The following PEAR1 variants were observed in gnomAD, a reference collection of about 807,000 sequenced individuals.
The protein encoded by PEAR1 is platelet endothelial aggregation receptor 1.
A neutral mutation model predicts 131.2 loss-of-function variants in PEAR1; 113 were observed. That is an observed-to-expected ratio of 0.86 (90% CI 0.74 to 1.01). PEAR1 has a LOEUF of 1.01. Among genes scored for constraint, PEAR1 ranks in the 50% least tolerant of loss-of-function variants. The pLI is 0.00. For missense variants in PEAR1, 1,408 were observed against 1,391.1 expected, an observed-to-expected ratio of 1.01 and a Z score of -0.19; for synonymous variants, 565 against 523.3, an observed-to-expected ratio of 1.08 and a Z score of -1.09.
In PEAR1 at chr1:156,908,257, C is replaced by T; in HGVS notation, c.1032C>T (p.Arg344=). 6.3e-7 allele frequency: 1 copy of T among 1,595,368 alleles called. No individual in the cohort carries two copies. ...GCGAACACGGCTTCACTGGGGACCG[C>T]TGCACGGATCGCCTCTGCCCCGACG... ...CLCEHGFTGD[R]CTDRLCPDGF... Residue 344 remains arginine, a synonymous_variant, in exon 9 of 23, where the codon CGC becomes CGT. Transcript: ENST00000292357. This position sits in a 1 kb window ranked among gnomAD's most constrained non-coding sequence, Gnocchi z 4.2.
chr1:156,911,669 C>T (rs559161045), intron 15 of PEAR1, among the ~76,000 whole-genome samples: 1 of 151,756 alleles, frequency 6.6e-6, no homozygotes, highest in East Asian at 1.9e-4. Context: ...ATTTTATGAG[C>T]CTTTCCCCCA....
At position 156,909,022 on chromosome 1, in the gene PEAR1, G is replaced by T; in HGVS notation, c.1397G>T (p.Cys466Phe). Residue 466 changes from cysteine to phenylalanine, a missense_variant, in exon 11 of 23, where the codon TGC becomes TTC. Cys to Phe is a radical substitution (Grantham distance 205). Transcript: ENST00000292357. Reference sequence around the variant, plus strand: ...GCCTGCTCACCCATCGACGGCGAGTGCGTCTGCAAGGAAGGTAATAGGGTG... The same window carrying T: ...GCCTGCTCACCCATCGACGGCGAGTTCGTCTGCAAGGAAGGTAATAGGGTG... ...AIACSPIDGE[C>F]VCKEGWQRGN... The T allele has an allele frequency of 6.2e-7, 1 of 1,614,052 alleles. No individual in the cohort carries two copies. The highest frequency in any genetic ancestry group is 8.5e-7 in the Non-Finnish European group (1 of 1,180,006).
intron 1 of PEAR1, among the ~76,000 whole-genome samples, chr1:156,895,057 G>A (rs1649030833): frequency 6.6e-6 from 1 of 152,158 alleles, no homozygotes; most frequent in Non-Finnish European, 1.5e-5. Context: ...CCACTCTTGA[G>A]GCCTCCGAAG....
At chr1:156,896,995 C>T (rs1649230197) in intron 1 of PEAR1, among the ~76,000 whole-genome samples, 1 of 152,354 alleles carries the variant, frequency 6.6e-6, no homozygotes. Context: ...CCCAGCTCTA[C>T]TGTCTGGAGT....
Position 156,912,895 on chromosome 1 carries a change from C to T in PEAR1, c.2335C>T (p.Arg779Trp), listed in dbSNP as rs774507033. The T allele has an allele frequency of 3.0e-5, 48 of 1,614,170 alleles. No homozygotes were observed. The highest frequency in any genetic ancestry group is 3.9e-5 in the Non-Finnish European group (46 of 1,180,014). The change falls in exon 18 of 23, where the codon CGG becomes TGG. Residue 779 changes from arginine (R) to tryptophan (W), a missense_variant. Coordinates refer to ENST00000292357, the MANE Select transcript of PEAR1 (RefSeq NM_001080471.3). ...VALVALFIGYRHWQKGKEHHH... is the reference protein window; with the variant it reads ...VALVALFIGYWHWQKGKEHHH... ...CCTGGTGGCACTGTTCATTGGCTATCGGCACTGGCAAAAAGGCAAGGAGCA... is the reference window on the plus strand; with the variant it reads ...CCTGGTGGCACTGTTCATTGGCTATTGGCACTGGCAAAAAGGCAAGGAGCA...
At position 156,915,810 on chromosome 1, in the gene PEAR1, C is replaced by T. The variant is rs1410901091; in HGVS notation, c.*1012C>T. 1.3e-5 allele frequency: 2 copies of T among 152,266 alleles called. No homozygotes were observed. Among genetic ancestry groups the T allele is most frequent in the Non-Finnish European group, 1.5e-5 (1 of 68,056 alleles). The allele number at this position is 152,266 out of a possible 1,614,324, so 9.4% of individuals were successfully genotyped here. On this transcript the variant is annotated 3_prime_UTR_variant, in exon 23 of 23. Coordinates refer to ENST00000292357, the MANE Select transcript of PEAR1 (RefSeq NM_001080471.3). The stretch of plus-strand genomic sequence containing the variant: ...GCTCAATATTAGCTCTCCCTTGGCA[C>T]AGAGTAGGCACTCAACAAATGCTCC...
rs758785569 is a variant in PEAR1, at chr1:156,906,894, G to T, written c.644+14G>T. The T allele has an allele frequency of 6.2e-7, 1 of 1,611,494 alleles. No individual in the cohort carries two copies. Among genetic ancestry groups the T allele is most frequent in the Non-Finnish European group, 8.5e-7 (1 of 1,178,568 alleles). Reference sequence around the variant, plus strand: ...AACTGGGCCCAGGTATGTAATGGGGGGAACGACACTTTAACAAGATCGCAG... The same window carrying T: ...AACTGGGCCCAGGTATGTAATGGGGTGAACGACACTTTAACAAGATCGCAG... On this transcript the variant is annotated intron_variant, in intron 6 of 22. Transcript: ENST00000292357.
chr1:156,912,487 TC>T lies in PEAR1; in HGVS notation c.2081-3del. On this transcript the variant is annotated splice_polypyrimidine_tract_variant and splice_region_variant and intron_variant, in intron 16 of 22. Transcript: ENST00000292357. The stretch of plus-strand genomic sequence containing the variant: ...ATGCCGGCCTGCCTCCTTGGCTGTC[TC>T]CCCAGGCTGCCCTCTGGGGACATTT... 1 of 1,610,892 alleles carries T rather than the reference TC, an allele frequency of 6.2e-7. No individual in the cohort carries two copies.
At position 156,905,357 on chromosome 1, in the gene PEAR1, G is replaced by A. The variant is rs187756653; in HGVS notation, c.240G>A (p.Val80=). ...VVYRTVYRQV[V]KTDHRQRLQC... ...ACCGGACCGTGTACCGTCAGGTGGT[G>A]AAGACGGACCACCGCCAGCGCCTGC... Residue 80 remains valine (V), a synonymous_variant, in exon 4 of 23, where the codon GTG becomes GTA. Coordinates refer to ENST00000292357, the MANE Select transcript of PEAR1 (RefSeq NM_001080471.3). 36 of 1,612,190 alleles carry A rather than the reference G, an allele frequency of 2.2e-5. No individual in the cohort carries two copies. Among genetic ancestry groups the A allele is most frequent in the Non-Finnish European group, 3.0e-5 (35 of 1,179,444 alleles).
At chr1:156,898,716 C>G (rs1279095437) in intron 1 of PEAR1, among the ~76,000 whole-genome samples, 1 of 152,154 alleles carries the variant, frequency 6.6e-6, no homozygotes, top group African/African-American at 2.4e-5. Context: ...AAGAGAGATA[C>G]AGGGCAAGAC....
chr1:156,913,908 C>A lies in PEAR1; in HGVS notation c.2770C>A (p.Pro924Thr), dbSNP rs1443220058. The A allele has an allele frequency of 6.2e-7, 1 of 1,614,068 alleles. No individual in the cohort carries two copies. The highest frequency in any genetic ancestry group is 1.1e-5 in the South Asian group (1 of 91,078). The change falls in exon 22 of 23, where the codon CCA becomes ACA. Residue 924 changes from proline (P) to threonine (T), a missense_variant. Physicochemically the swap from Pro to Thr is conservative, Grantham distance 38 (BLOSUM62 -1). Transcript: ENST00000292357. ...TGTGGCTTCCCTGAGCAGTGAGAAC[C>A]CATATGCCACCATCCGGGACCTGCC... is the stretch of plus-strand genomic sequence containing the variant. Reference protein sequence around the residue: ...ASVASLSSENPYATIRDLPSL... With the variant: ...ASVASLSSENTYATIRDLPSL...
chr1:156,894,417 C>T (rs1170357553), intron 1 of PEAR1, among the ~76,000 whole-genome samples: 2 of 152,208 alleles, frequency 1.3e-5, no homozygotes, highest in African/African-American at 4.8e-5. Flanking sequence ...TTGAATGACG[C>T]TAGATAAACA....
In PEAR1 at chr1:156,910,801, C is replaced by T. The variant is rs1214193415; in HGVS notation, c.1951+58C>T. ...GCATGCTGAGAGGGGGTGCTGAGGA[C>T]GGGAGGTCTCTGTCCCCCAGCTCCT... is the stretch of plus-strand genomic sequence containing the variant. On this transcript the variant is annotated intron_variant, in intron 15 of 22. Transcript: ENST00000292357. The T allele has an allele frequency of 5.0e-6, 8 of 1,598,984 alleles. No homozygotes were observed. The South Asian group carries it at 6.7e-5, about 13-fold the overall frequency.
chr1:156,910,342 T>C lies in PEAR1; in HGVS notation c.1787T>C (p.Val596Ala), dbSNP rs1558141987. The C allele has an allele frequency of 6.2e-7, 1 of 1,610,842 alleles. No homozygotes were observed. Among genetic ancestry groups the C allele is most frequent in the Non-Finnish European group, 8.5e-7 (1 of 1,178,344 alleles). The change falls in exon 14 of 23, where the codon GTG (valine) becomes GCG (alanine). Residue 596 changes from valine (V) to alanine (A), a missense_variant. Transcript: ENST00000292357. ...TGTCTCCCTGAGAATGGCAACTGCGTGTGTGCACCCGGATTCCGGGGCCCC... is the reference window on the plus strand; with the variant it reads ...TGTCTCCCTGAGAATGGCAACTGCGCGTGTGCACCCGGATTCCGGGGCCCC... ...GTCLPENGNC[V>A]CAPGFRGPSC... is the part of the protein sequence containing the mutation.
At chr1:156,904,162 TTC>T (rs1251870408) in intron 2 of PEAR1, 135 bp downstream of exon 2, 4 of 699,754 alleles carry the variant, frequency 5.7e-6, no homozygotes, top group Non-Finnish European at 9.7e-6. Flanking sequence ...TCCCGCCTAT[TTC>T]TCTGTTTCTG....
rs1175697266 is a variant in PEAR1 at position 156,908,336 on chromosome 1, C to G, written c.1111C>G (p.Leu371Val). 1 of 1,526,314 alleles carries G rather than the reference C, an allele frequency of 6.6e-7. No homozygotes were observed. The allele number at this position is 1,526,314 out of a possible 1,614,324, so 94.5% of individuals were successfully genotyped here. The change falls in exon 9 of 23, where the codon CTC becomes GTC. Residue 371 changes from leucine (L) to valine (V), a missense_variant. Coordinates refer to ENST00000292357, the MANE Select transcript of PEAR1 (RefSeq NM_001080471.3). This position sits in a 1 kb window ranked among gnomAD's most constrained non-coding sequence, Gnocchi z 4.2. ...APCTCDREHS[L>V]SCHPMNGECS... ...CTGCACCTGCGACCGGGAGCACAGC[C>G]TCAGGTGGGCCGCGGGACATGTGGT... is the stretch of plus-strand genomic sequence containing the variant.
intron 15 of PEAR1, among the ~76,000 whole-genome samples, chr1:156,911,098 CTTT>C (rs1558144014): frequency 1.7e-4 from 20 of 116,400 alleles, no homozygotes; most frequent in African/African-American, 3.5e-4. Context: ...TCTTTCCTTT[CTTT>C]CTTTCTTTTC....
rs775656606 is a variant in PEAR1 at position 156,908,010 on chromosome 1, C to T, written c.861C>T (p.Phe287=). ...ACAACGGCGGCCTCTGTGACCGATT[C>T]ACTGGGCAGTGCCGCTGCGCTCCGG... is the stretch of plus-strand genomic sequence containing the variant. The part of the protein sequence containing the change: ...RCHNGGLCDR[F]TGQCRCAPGY... Residue 287 remains phenylalanine (F), a synonymous_variant, in exon 8 of 23, where the codon TTC becomes TTT. Transcript: ENST00000292357. The surrounding 1 kb of genome is among the most constrained non-coding windows in gnomAD (Gnocchi z 4.2). The T allele has an allele frequency of 9.5e-6, 15 of 1,574,020 alleles. No homozygotes were observed. The Admixed American group carries it at 2.8e-4, about 29-fold the overall frequency.
At chr1:156,906,547 G>C (rs146185126) in intron 5 of PEAR1, 90 bp from the exon 6 acceptor site, 26,304 of 1,573,558 alleles carry the variant, frequency 0.017, 296 homozygotes, top group Middle Eastern at 0.067. Flanking sequence ...GCCTGTGGGG[G>C]CTGGGAGACA....
Sources: gnomAD v4.1 joint callset for allele counts (sites outside exome capture counted in the v4.1 genomes callset) on GRCh38, gnomAD v4.1.1 for gene constraint, Gnocchi (gnomAD v3.1) non-coding constraint, MANE v1.5 for transcripts, NCBI Gene and HGNC (gene_info 2026-07-23, HGNC 2026-07-21) for gene names.